Variants in STPG2 observed in about 807,000 individuals in gnomAD.
The protein encoded by STPG2 is sperm tail PG-rich repeat containing 2.
Under a neutral mutation model 54.2 loss-of-function variants are expected in STPG2, and 56 were observed. That is an observed-to-expected ratio of 1.03 (90% CI 0.83 to 1.29). STPG2 has a LOEUF of 1.29. STPG2 is among the 50% of genes most tolerant of loss of function. The pLI is 0.00. For missense variants in STPG2, 596 were observed against 544.9 expected, an observed-to-expected ratio of 1.09 and a Z score of -0.93; for synonymous variants, 200 against 181.8, an observed-to-expected ratio of 1.10 and a Z score of -0.81.
intron 9 of STPG2, among the ~76,000 whole-genome samples, chr4:97,831,046 C>T (rs1728440067): frequency 6.6e-6 from 1 of 152,146 alleles, no homozygotes; most frequent in Non-Finnish European, 1.5e-5. Flanking sequence ...ACAGAACTGT[C>T]CACCCCAAAT....
chr4:98,102,326 G>C (rs1464616431), intron 5 of STPG2, among the ~76,000 whole-genome samples: 1 of 152,162 alleles, frequency 6.6e-6, no homozygotes, highest in East Asian at 1.9e-4. Context: ...TTTTGTAAAT[G>C]AAAGTTTTAC....
intron 5 of STPG2, among the ~76,000 whole-genome samples, chr4:97,989,112 A>G (rs971830572): frequency 3.3e-5 from 5 of 152,212 alleles, no homozygotes; most frequent in African/African-American, 1.2e-4. Flanking sequence ...TCTTGCCATT[A>G]TTTGCTGGCT....
intron 9 of STPG2, among the ~76,000 whole-genome samples, chr4:97,773,916 G>A (rs1245142700): frequency 6.6e-6 from 1 of 152,064 alleles, no homozygotes; most frequent in Non-Finnish European, 1.5e-5. Flanking sequence ...TTGTGAGGCT[G>A]AGGAGGGAGG....
In STPG2 at chr4:97,908,797, T is replaced by C. The variant is rs1320166695; in HGVS notation, c.1044+35100A>G. Among the ~76,000 whole-genome samples, 10 of 143,940 alleles carry C rather than the reference T, an allele frequency of 6.9e-5. No homozygotes were observed. The South Asian group carries it at 1.5e-3, about 22-fold the overall frequency. 94.4% of individuals were successfully genotyped at this position (143,940 alleles called of 152,430 possible). ...ACCAAACACCGCATATTCTCACTCA[T>C]AGGTGGGAATTGAACAATGAGAACA... is the stretch of plus-strand genomic sequence containing the variant. On this transcript the variant is annotated intron_variant, in intron 8 of 10. Coordinates refer to ENST00000295268, the MANE Select transcript of STPG2 (RefSeq NM_174952.3).
intron 5 of STPG2, among the ~76,000 whole-genome samples, chr4:98,022,025 T>A (rs1246405304): frequency 6.6e-6 from 1 of 151,666 alleles, no homozygotes; most frequent in Non-Finnish European, 1.5e-5. Context: ...ACATTTAAAG[T>A]TAATATTGTT....
downstream of STPG2, among the ~76,000 whole-genome samples, chr4:97,556,865 C>T (rs1732089048): frequency 6.6e-6 from 1 of 151,768 alleles, no homozygotes; most frequent in Non-Finnish European, 1.5e-5. Flanking sequence ...ACCTATATAC[C>T]AATAGAGTAC....
chr4:97,535,590 G>T (rs1449801314), intron 4 of STPG2, among the ~76,000 whole-genome samples: 2 of 151,908 alleles, frequency 1.3e-5, no homozygotes, highest in Non-Finnish European at 2.9e-5. Context: ...ATTTTGTATT[G>T]TCTCTGTTCA....
At chr4:97,638,004 A>T (rs1349853639) in intron 10 of STPG2, among the ~76,000 whole-genome samples, 1 of 152,056 alleles carries the variant, frequency 6.6e-6, no homozygotes, top group Non-Finnish European at 1.5e-5. Flanking sequence ...TTTAAAGTTC[A>T]TATGGAACCA....
chr4:97,798,256 T>A (rs1481260192), intron 9 of STPG2, among the ~76,000 whole-genome samples: 1 of 152,224 alleles, frequency 6.6e-6, no homozygotes, highest in Non-Finnish European at 1.5e-5. Context: ...GCTTCTCTAG[T>A]TCTTTTAATT....
intron 9 of STPG2, among the ~76,000 whole-genome samples, chr4:97,730,947 T>C (rs571176766): frequency 6.6e-6 from 1 of 152,338 alleles, no homozygotes; most frequent in East Asian, 1.9e-4. Context: ...ATTTCAACTT[T>C]TTCCTGAATC....
At chr4:97,816,130 G>A (rs901279724) in intron 9 of STPG2, among the ~76,000 whole-genome samples, 2 of 152,090 alleles carry the variant, frequency 1.3e-5, no homozygotes, top group African/African-American at 4.8e-5. Context: ...AACATGCAGT[G>A]TTTGGTTTTC....
chr4:97,933,159 A>G (rs1166271450), intron 8 of STPG2, among the ~76,000 whole-genome samples: 1 of 152,014 alleles, frequency 6.6e-6, no homozygotes, highest in African/African-American at 2.4e-5. Context: ...GGCCATATAA[A>G]TGTCTTCTTT....
chr4:97,486,860 A>ACAC (rs1730376987), intron 4 of STPG2, among the ~76,000 whole-genome samples: 2 of 125,578 alleles, frequency 1.6e-5, no homozygotes, highest in African/African-American at 3.0e-5. Flanking sequence ...TATGTATACA[A>ACAC]ACACACACAC....
chr4:97,847,765 T>A (rs1223834413), intron 8 of STPG2, among the ~76,000 whole-genome samples: 2 of 152,188 alleles, frequency 1.3e-5, no homozygotes. Flanking sequence ...ATGTGTTCTT[T>A]CCTCATTGAC....
At chr4:97,580,958 T>C (rs939317944) in intron 10 of STPG2, among the ~76,000 whole-genome samples, 3 of 152,066 alleles carry the variant, frequency 2.0e-5, no homozygotes, top group Admixed American at 1.3e-4. Context: ...GGTTTTTTAA[T>C]CAGAAAAAAT....
intron 9 of STPG2, among the ~76,000 whole-genome samples, chr4:97,811,244 G>C (rs1192766843): frequency 6.6e-6 from 1 of 151,740 alleles, no homozygotes; most frequent in African/African-American, 2.4e-5. Flanking sequence ...ATGCAAACTA[G>C]TTTCTAAATT....
At chr4:97,708,076 G>A (rs1359789490) in intron 10 of STPG2, among the ~76,000 whole-genome samples, 2 of 151,970 alleles carry the variant, frequency 1.3e-5, no homozygotes, top group Non-Finnish European at 1.5e-5. Context: ...CTAAGCTAAT[G>A]ACATAAAGGG....
At position 97,639,333 on chromosome 4, in the gene STPG2, G is replaced by A. The variant is rs544236805; in HGVS notation, c.1320+73366C>T. ...CACAGGAAGGGGAACATCACACTCT[G>A]GGGACTGTTGTGGGGTGGGTGGAGG... is the stretch of plus-strand genomic sequence containing the variant. On this transcript the variant is annotated intron_variant, in intron 10 of 10. Coordinates refer to ENST00000295268, the MANE Select transcript of STPG2 (RefSeq NM_174952.3). Among the ~76,000 whole-genome samples, 3 of 151,786 alleles carry A rather than the reference G, an allele frequency of 2.0e-5. No homozygotes were observed. In the South Asian group the frequency reaches 6.3e-4, roughly 32 times the overall value.
chr4:97,883,382 T>C (rs1332600651), intron 8 of STPG2, among the ~76,000 whole-genome samples: 1 of 151,244 alleles, frequency 6.6e-6, no homozygotes. Flanking sequence ...AGCAAGACCT[T>C]GTCTAAAATT....
Sources: allele counts gnomAD v4.1 joint callset (sites outside exome capture counted in the v4.1 genomes callset), GRCh38; gene constraint gnomAD v4.1.1; transcripts MANE v1.5; gene names NCBI Gene and HGNC (gene_info 2026-07-23, HGNC 2026-07-21).